FBXL20: variants seen among roughly 807,000 people sequenced by gnomAD.
FBXL20 encodes the protein F-box/LRR-repeat protein 20.
FBXL20 carries 11 observed loss-of-function variants against 64.0 expected under a neutral mutation model. The observed-to-expected ratio is 0.17, with a 90% confidence interval of 0.11 to 0.28. The LOEUF (loss-of-function observed/expected upper bound fraction) is 0.28, where lower values mean the gene tolerates loss of function less well. FBXL20 is among the 10% of genes least tolerant of loss of function. FBXL20 has a pLI of 1.00. For synonymous variants in FBXL20, 184 were observed against 189.0 expected (o/e 0.97, Z 0.22); for missense variants, 303 against 526.2 (o/e 0.58, Z 4.15).
intron 1 of FBXL20, among the ~76,000 whole-genome samples, chr17:39,390,380 G>GT (rs2048122791): frequency 6.6e-6 from 1 of 151,934 alleles, no homozygotes; most frequent in Non-Finnish European, 1.5e-5. Context: ...GACCAACATG[G>GT]TGAAACCCCG....
intron 6 of FBXL20, among the ~76,000 whole-genome samples, chr17:39,292,879 G>A (rs745942536): frequency 4.0e-5 from 6 of 148,194 alleles, no homozygotes; most frequent in Non-Finnish European, 8.9e-5. Flanking sequence ...TGCAACCTCC[G>A]CCTCCCAGGT....
chr17:39,400,672 C>A (rs2048232397), intron 1 of FBXL20, among the ~76,000 whole-genome samples: 1 of 152,174 alleles, frequency 6.6e-6, no homozygotes, highest in Admixed American at 6.5e-5. Flanking sequence ...GGACAGTAAA[C>A]CTCCCTCGCT....
At chr17:39,361,822 C>T (rs1254931495) in intron 1 of FBXL20, among the ~76,000 whole-genome samples, 2 of 151,808 alleles carry the variant, frequency 1.3e-5, no homozygotes, top group Non-Finnish European at 2.9e-5. Context: ...CTTGGCCAGG[C>T]ACAGTGGCTC....
At chr17:39,294,457 T>G (rs2047067397) in intron 6 of FBXL20, among the ~76,000 whole-genome samples, 1 of 151,826 alleles carries the variant, frequency 6.6e-6, no homozygotes, top group Admixed American at 6.6e-5. Context: ...TTTTTTGTAT[T>G]TTTTTGTAGA....
At chr17:39,381,246 C>G (rs1447125207) in intron 1 of FBXL20, among the ~76,000 whole-genome samples, 3 of 151,712 alleles carry the variant, frequency 2.0e-5, no homozygotes, top group Admixed American at 6.6e-5. Context: ...GAGGCTGAGG[C>G]AAGAAGACTG....
At chr17:39,387,263 G>C (rs567121795) in intron 1 of FBXL20, among the ~76,000 whole-genome samples, 1 of 149,792 alleles carries the variant, frequency 6.7e-6, no homozygotes, top group Non-Finnish European at 1.5e-5. Context: ...GGTGGGTTAG[G>C]TGTATTAACT....
intron 4 of FBXL20, among the ~76,000 whole-genome samples, chr17:39,300,626 T>C (rs2047125370): frequency 6.6e-6 from 1 of 152,108 alleles, no homozygotes; most frequent in African/African-American, 2.4e-5. Context: ...CTCAAAAAAA[T>C]ATATACGAAC....
intron 1 of FBXL20, among the ~76,000 whole-genome samples, chr17:39,378,873 A>T (rs2047995819): frequency 6.6e-6 from 1 of 150,972 alleles, no homozygotes; most frequent in Non-Finnish European, 1.5e-5. Context: ...GGCCTCTCAA[A>T]GTGCTGGGAT....
chr17:39,392,066 G>A (rs1597838644), intron 1 of FBXL20, among the ~76,000 whole-genome samples: 1 of 152,262 alleles, frequency 6.6e-6, no homozygotes, highest in East Asian at 1.9e-4. Flanking sequence ...GAACGCAGGA[G>A]GTGGAGGCTA....
intron 1 of FBXL20, among the ~76,000 whole-genome samples, chr17:39,370,076 C>T (rs1394032234): frequency 1.3e-5 from 2 of 151,758 alleles, no homozygotes; most frequent in African/African-American, 2.4e-5. Flanking sequence ...ATTCCAGTGC[C>T]CTCTAGCCTG....
intron 1 of FBXL20, among the ~76,000 whole-genome samples, chr17:39,361,674 G>A (rs2047795712): frequency 6.6e-6 from 1 of 152,050 alleles, no homozygotes; most frequent in South Asian, 2.1e-4. Flanking sequence ...GCACGCGCCT[G>A]TAGTCCCAGC....
intron 8 of FBXL20, among the ~76,000 whole-genome samples, chr17:39,281,753 A>G (rs2046952141): frequency 6.6e-6 from 1 of 152,184 alleles, no homozygotes; most frequent in South Asian, 2.1e-4. Flanking sequence ...GATAAATTAA[A>G]TATACCTGAC....
At chr17:39,310,921 G>T (rs1021690511) in intron 2 of FBXL20, among the ~76,000 whole-genome samples, 2 of 152,062 alleles carry the variant, frequency 1.3e-5, no homozygotes, top group Non-Finnish European at 2.9e-5. Flanking sequence ...GGGGGGCAGA[G>T]GTTGCAGTGA....
At chr17:39,285,140 G>A (rs1237101218) in intron 7 of FBXL20, among the ~76,000 whole-genome samples, 3 of 152,040 alleles carry the variant, frequency 2.0e-5, no homozygotes, top group African/African-American at 4.8e-5. Context: ...TCTTGACCTC[G>A]TGATCTGCCT....
intron 12 of FBXL20, 43 bp downstream of exon 12, chr17:39,268,784 T>G: frequency 6.6e-7 from 1 of 1,526,084 alleles, no homozygotes; most frequent in Non-Finnish European, 9.1e-7. Context: ...ATTATCTAAG[T>G]GTCTACTATA....
intron 1 of FBXL20, among the ~76,000 whole-genome samples, chr17:39,355,714 G>A (rs1401432463): frequency 6.6e-6 from 1 of 151,860 alleles, no homozygotes; most frequent in Non-Finnish European, 1.5e-5. Context: ...AATTAGCTGC[G>A]CGTGGTGGCA....
upstream of FBXL20, chr17:39,402,293 G>A (rs2048256606): frequency 9.3e-7 from 1 of 1,078,532 alleles, no homozygotes; most frequent in Non-Finnish European, 1.2e-6. Flanking sequence ...TGCCGCCGCC[G>A]CCGCCTCCCC....
At chr17:39,402,017 C>G, upstream of FBXL20, 4 of 608,296 alleles carry the variant, frequency 6.6e-6, no homozygotes, top group Non-Finnish European at 7.2e-6. Context: ...GCCCCGTGTC[C>G]CCCTCTCCTC....
chr17:39,333,168 T>C (rs933836485), intron 2 of FBXL20, among the ~76,000 whole-genome samples: 2 of 151,814 alleles, frequency 1.3e-5, no homozygotes, highest in Non-Finnish European at 2.9e-5. Context: ...TCCGTCTCCC[T>C]CTTTGCACGG....
Sources: gnomAD v4.1 joint callset for allele counts (sites outside exome capture counted in the v4.1 genomes callset) on GRCh38, gnomAD v4.1.1 for gene constraint, MANE v1.5 for transcripts, NCBI Gene and HGNC (gene_info 2026-07-23, HGNC 2026-07-21) for gene names.